Variants in MOB2 observed in about 807,000 individuals in gnomAD.
MOB2 encodes MOB2 Mps One Binder homolog.
A neutral mutation model predicts 27.4 loss-of-function variants in MOB2; 14 were observed. The ratio of observed to expected loss-of-function variants is 0.51; its 90% CI spans 0.34 to 0.80. The LOEUF is 0.80. Ranked by LOEUF, MOB2 falls within the 30% of genes least tolerant of loss-of-function variation. The pLI is 0.01. For missense variants in MOB2, 304 were observed against 354.6 expected, an observed-to-expected ratio of 0.86 and a Z score of 1.15; for synonymous variants, 167 against 151.8, an observed-to-expected ratio of 1.10 and a Z score of -0.74.
At chr11:1,475,640 C>G (rs954623376) in intron 3 of MOB2, among the ~76,000 whole-genome samples, 1 of 152,126 alleles carries the variant, frequency 6.6e-6, no homozygotes, top group Non-Finnish European at 1.5e-5. Context: ...TGGCTGGGGT[C>G]GCATATCAGG....
intron 1 of MOB2, among the ~76,000 whole-genome samples, chr11:1,482,477 T>G (rs1247578113): frequency 3.9e-5 from 6 of 152,166 alleles, no homozygotes; most frequent in Admixed American, 6.5e-5. Flanking sequence ...TCTCCCAGGC[T>G]CTGGCTGTGG....
At chr11:1,480,536 G>A (rs778413679) in intron 2 of MOB2, 50 bp from the exon 3 acceptor site, 173 of 1,588,416 alleles carry the variant, frequency 1.1e-4, no homozygotes, top group South Asian at 4.4e-5. Flanking sequence ...GAGCTGAGCC[G>A]CCCCGTCCAC....
intron 1 of MOB2, among the ~76,000 whole-genome samples, chr11:1,484,038 G>A (rs1847944044): frequency 6.6e-6 from 1 of 152,196 alleles, no homozygotes; most frequent in South Asian, 2.1e-4. Flanking sequence ...GCACAACCGA[G>A]TGCCCTGCAC....
chr11:1,473,905 C>T (rs939326283), intron 3 of MOB2, among the ~76,000 whole-genome samples: 11 of 152,274 alleles, frequency 7.2e-5, no homozygotes, highest in South Asian at 6.2e-4. Context: ...AATCGCACCG[C>T]GCGGATCCTC....
At chr11:1,479,464 T>C (rs1050079040) in intron 3 of MOB2, among the ~76,000 whole-genome samples, 4 of 152,252 alleles carry the variant, frequency 2.6e-5, no homozygotes, top group African/African-American at 9.6e-5. Flanking sequence ...CCAGCTGTTG[T>C]CTGTACCTGC....
At chr11:1,480,978 G>A (rs936881616) in intron 1 of MOB2, 93 bp from the exon 2 acceptor site, 8 of 1,466,518 alleles carry the variant, frequency 5.5e-6, no homozygotes, top group South Asian at 2.6e-5. Flanking sequence ...AGGTGTAGAG[G>A]GAGCTGCCCG....
Position 1,480,590 on chromosome 11 carries a change from C to G in MOB2, c.272-104G>C, listed in dbSNP as rs1043787944. On this transcript the variant is annotated intron_variant, in intron 2 of 4. Coordinates refer to ENST00000329957, the MANE Select transcript of MOB2 (RefSeq NM_001172223.3). Reference sequence around the variant, plus strand: ...GTGCAGGAGCTCGGCTGGGTGAGCTCTGCCCGTCCACGGGCCACATTCTCC... The same window carrying G: ...GTGCAGGAGCTCGGCTGGGTGAGCTGTGCCCGTCCACGGGCCACATTCTCC... 2.6e-6 allele frequency: 4 copies of G among 1,532,992 alleles called. No homozygotes were observed. In the African/African-American group the frequency reaches 4.1e-5, roughly 16 times the overall value. 95.0% of individuals were successfully genotyped at this position (1,532,992 alleles called of 1,614,324 possible). A position where few individuals can be genotyped will look rare whatever the true frequency, so the allele number is the denominator to read the frequency against.
At chr11:1,472,592 G>T (rs1171724785) in intron 3 of MOB2, 1 of 152,422 alleles carries the variant, frequency 6.6e-6, no homozygotes, top group Non-Finnish European at 1.5e-5. Flanking sequence ...TCCAGTCACG[G>T]TTCCTCTTGG....
chr11:1,478,448 G>A (rs1212673262), intron 3 of MOB2, among the ~76,000 whole-genome samples: 2 of 152,234 alleles, frequency 1.3e-5, no homozygotes, highest in South Asian at 2.1e-4. Flanking sequence ...ATTCTGGGAT[G>A]ACCTTTCTTT....
chr11:1,486,609 C>G lies in MOB2; in HGVS notation c.-53G>C. 1 of 1,284,042 alleles carries G rather than the reference C, an allele frequency of 7.8e-7. No homozygotes were observed. Among genetic ancestry groups the G allele is most frequent in the Middle Eastern group, 2.1e-4 (1 of 4,690 alleles). 79.5% of individuals were successfully genotyped at this position (1,284,042 alleles called of 1,614,324 possible). A position where few individuals can be genotyped will look rare whatever the true frequency, so the allele number is the denominator to read the frequency against. On this transcript the variant is annotated 5_prime_UTR_variant, in exon 1 of 5. Transcript: ENST00000329957. ...GAAGCGGGGCGGGGTGCCGGCTGGC[C>G]AGCACTCGCAAATGCCTGCTGCCGG... is the stretch of plus-strand genomic sequence containing the variant.
chr11:1,481,390 G>T (rs989684576), intron 1 of MOB2: 106 of 193,960 alleles, frequency 5.5e-4, no homozygotes, highest in African/African-American at 2.4e-3. Context: ...AGAGCACGGG[G>T]CCCCTGGCAT....
intron 1 of MOB2, among the ~76,000 whole-genome samples, chr11:1,483,485 G>A (rs1187253388): frequency 1.3e-5 from 2 of 152,168 alleles, no homozygotes; most frequent in Non-Finnish European, 2.9e-5. Context: ...TCTGAGCCTG[G>A]GTCCTGCCTG....
intron 3 of MOB2, among the ~76,000 whole-genome samples, chr11:1,477,169 G>C (rs576512770): frequency 6.6e-6 from 1 of 151,932 alleles, no homozygotes; most frequent in Non-Finnish European, 1.5e-5. Context: ...AATCCCCGGC[G>C]ATCATGTGAT....
At chr11:1,471,185 C>T in intron 4 of MOB2, 110 bp downstream of exon 4, 1 of 1,410,708 alleles carries the variant, frequency 7.1e-7, no homozygotes, top group South Asian at 1.4e-5. Context: ...CAGCTGCCGC[C>T]CTCCGTGCCT....
At position 1,469,600 on chromosome 11, in the gene MOB2, G is replaced by T; in HGVS notation, c.*572C>A. ...AGGACTGCACCATGGGTGTTCCTTG[G>T]GCATGGAGGAGGCAGCAGGAAGGGG... On this transcript the variant is annotated 3_prime_UTR_variant, in exon 5 of 5. Coordinates refer to ENST00000329957, the MANE Select transcript of MOB2 (RefSeq NM_001172223.3). The T allele has an allele frequency of 2.2e-6, 1 of 456,900 alleles. No homozygotes were observed. The highest frequency in any genetic ancestry group is 4.4e-6 in the Non-Finnish European group (1 of 227,110). 28.3% of individuals were successfully genotyped at this position (456,900 alleles called of 1,614,324 possible). A position where few individuals can be genotyped will look rare whatever the true frequency, so the allele number is the denominator to read the frequency against.
chr11:1,481,174 C>A (rs1388591271), intron 1 of MOB2: 1 of 523,222 alleles, frequency 1.9e-6, no homozygotes, highest in Non-Finnish European at 3.5e-6. Context: ...CTCACCAAGT[C>A]CTCCAACCAG....
intron 3 of MOB2, among the ~76,000 whole-genome samples, chr11:1,479,781 C>T (rs1488591101): frequency 1.3e-5 from 2 of 152,238 alleles, no homozygotes; most frequent in Non-Finnish European, 2.9e-5. Context: ...CGCACATGTC[C>T]CAGGCTAAGC....
chr11:1,470,586 C>T, intron 4 of MOB2, 98 bp from the exon 5 acceptor site: 2 of 1,380,140 alleles, frequency 1.4e-6, no homozygotes, highest in Non-Finnish European at 1.9e-6. Flanking sequence ...TACCTGCCAC[C>T]CACACCTTGA....
At chr11:1,471,067 G>A (rs1451938818) in intron 4 of MOB2, among the ~76,000 whole-genome samples, 1 of 152,226 alleles carries the variant, frequency 6.6e-6, no homozygotes, top group Non-Finnish European at 1.5e-5. Context: ...ATGGCCCAGA[G>A]GGCCAGGGAG....
Sources: allele counts gnomAD v4.1 joint callset (sites outside exome capture counted in the v4.1 genomes callset), GRCh38; gene constraint gnomAD v4.1.1; transcripts MANE v1.5; gene names NCBI Gene and HGNC (gene_info 2026-07-23, HGNC 2026-07-21).